THOC1: variants seen among roughly 807,000 people sequenced by gnomAD.
THOC1 encodes the protein THO complex 1.
Under a neutral mutation model 97.3 loss-of-function variants are expected in THOC1, and 29 were observed. The observed-to-expected ratio is 0.30, with a 90% CI of 0.22 to 0.41. THOC1 has a LOEUF of 0.41. THOC1 is among the 10% of genes least tolerant of loss of function. The pLI, the probability that THOC1 is intolerant of heterozygous loss-of-function variation, is 1.00. For missense variants in THOC1, 529 were observed against 761.9 expected (o/e 0.69, Z 3.60); for synonymous variants, 255 against 257.0 (o/e 0.99, Z 0.07).
chr18:236,350 C>CTT (rs71174215), intron 11 of THOC1, among the ~76,000 whole-genome samples: 118 of 88,284 alleles, frequency 1.3e-3, no homozygotes, highest in African/African-American at 2.8e-3. Flanking sequence ...GAATAAGATT[C>CTT]TTTTTTTTTT....
At chr18:253,542 A>G (rs919329097) in intron 8 of THOC1, among the ~76,000 whole-genome samples, 6 of 152,220 alleles carry the variant, frequency 3.9e-5, no homozygotes, top group Admixed American at 3.9e-4. Flanking sequence ...CATATACACA[A>G]AAAGTCCTGG....
chr18:216,324 G>T (rs1910888783), intron 19 of THOC1, 162 bp downstream of exon 19: 1 of 757,264 alleles, frequency 1.3e-6, no homozygotes. Context: ...TGTATTTCCT[G>T]TAAATGTATA....
chr18:254,621 C>G lies in THOC1; in HGVS notation c.521-266G>C, dbSNP rs1188699614. 6.6e-6 allele frequency among the ~76,000 whole-genome samples: 1 copy of G among 152,058 alleles called. No individual in the cohort carries two copies. The highest frequency in any genetic ancestry group is 1.5e-5 in the Non-Finnish European group (1 of 68,004). On this transcript the variant is annotated intron_variant, in intron 7 of 20. Coordinates refer to ENST00000261600, the MANE Select transcript of THOC1 (RefSeq NM_005131.3). The surrounding 1 kb of genome is among the most constrained non-coding windows in gnomAD (Gnocchi z 4.1). ...CTGCATCGTGCAAGTCTATCAGCAC[C>G]ATTTTTCCAACAGCATATGCTCACT...
intron 7 of THOC1, among the ~76,000 whole-genome samples, chr18:257,048 T>A (rs1441068531): frequency 3.9e-5 from 6 of 152,234 alleles, no homozygotes. Context: ...TACATTTTTT[T>A]AGATGCTATT....
chr18:260,353 A>T, intron 4 of THOC1, 49 bp from the exon 5 acceptor site: 1 of 1,145,384 alleles, frequency 8.7e-7, no homozygotes, highest in Non-Finnish European at 1.2e-6. Flanking sequence ...ACTGTAGAGT[A>T]GAATAGCCTA....
chr18:252,413 A>G, intron 9 of THOC1, 126 bp downstream of exon 9: 1 of 735,816 alleles, frequency 1.4e-6, no homozygotes, highest in East Asian at 2.7e-5. Context: ...ATACATGAAA[A>G]TTACAAATGA....
intron 3 of THOC1, 120 bp downstream of exon 3, chr18:265,183 G>T: frequency 1.3e-6 from 1 of 766,636 alleles, no homozygotes; most frequent in Non-Finnish European, 2.1e-6. Context: ...CTTTTACAAA[G>T]CAGAAAGGTT....
chr18:258,415 T>C (rs1912501503), intron 7 of THOC1, among the ~76,000 whole-genome samples: 1 of 152,048 alleles, frequency 6.6e-6, no homozygotes, highest in African/African-American at 2.4e-5. Flanking sequence ...ATACAAGAAG[T>C]GGTAAATCTA....
intron 12 of THOC1, 85 bp from the exon 13 acceptor site, chr18:225,488 A>G: frequency 9.4e-7 from 1 of 1,066,256 alleles, no homozygotes; most frequent in Non-Finnish European, 1.4e-6. Flanking sequence ...GGCATGTAAC[A>G]TGTAACTATA....
At chr18:250,709 T>C (rs1912250774) in intron 9 of THOC1, among the ~76,000 whole-genome samples, 1 of 152,236 alleles carries the variant, frequency 6.6e-6, no homozygotes, top group Admixed American at 6.5e-5. Flanking sequence ...CACAAAGTAA[T>C]TCCTCACGTA....
intron 11 of THOC1, among the ~76,000 whole-genome samples, chr18:239,938 A>G (rs1194368821): frequency 6.6e-6 from 1 of 152,016 alleles, no homozygotes; most frequent in Non-Finnish European, 1.5e-5. Flanking sequence ...AGGAGTCCAA[A>G]ATTATTGTCC....
intron 18 of THOC1, among the ~76,000 whole-genome samples, chr18:217,722 A>T (rs924698778): frequency 6.6e-6 from 1 of 152,174 alleles, no homozygotes; most frequent in Non-Finnish European, 1.5e-5. Context: ...AACCACGAGA[A>T]TGCAAAAGAG....
intron 17 of THOC1, among the ~76,000 whole-genome samples, chr18:220,679 G>C (rs1050276116): frequency 2.0e-5 from 3 of 152,238 alleles, no homozygotes; most frequent in Middle Eastern, 3.4e-3. Context: ...GGTTTATTAA[G>C]GTTTCTACTT....
At position 246,340 on chromosome 18, in the gene THOC1, A is replaced by C; in HGVS notation, c.902T>G (p.Phe301Cys). 6.3e-7 allele frequency: 1 copy of C among 1,577,720 alleles called. No homozygotes were observed. The highest frequency in any genetic ancestry group is 8.7e-7 in the Non-Finnish European group (1 of 1,154,666). Residue 301 changes from phenylalanine (F) to cysteine (C), a missense_variant, in exon 11 of 21, where the codon TTT (phenylalanine) becomes TGT (cysteine). Phe to Cys is a radical substitution (Grantham distance 205, BLOSUM62 -2). Coordinates refer to ENST00000261600, the MANE Select transcript of THOC1 (RefSeq NM_005131.3). Reference sequence around the variant, plus strand: ...AACTTATACCTTTTCACTTGTTAAAAATTTTGCAAAATATACATGTTCTCC... The same window carrying C: ...AACTTATACCTTTTCACTTGTTAAACATTTTGCAAAATATACATGTTCTCC... ...TGGEHVYFAK[F>C]LTSEKLMDLQ... is the part of the protein sequence containing the mutation.
At chr18:259,944 A>G (rs147050390) in intron 5 of THOC1, 3 of 524,728 alleles carry the variant, frequency 5.7e-6, no homozygotes, top group Non-Finnish European at 1.0e-5. Context: ...TAAACATGTG[A>G]AAGTGTGAAT....
chr18:266,842 T>C (rs746127435), intron 1 of THOC1, among the ~76,000 whole-genome samples: 34 of 152,124 alleles, frequency 2.2e-4, no homozygotes, highest in Non-Finnish European at 4.3e-4. Flanking sequence ...CGGCCGCCAA[T>C]ATGATCTTGG....
intron 11 of THOC1, among the ~76,000 whole-genome samples, chr18:241,307 C>T (rs1911891716): frequency 6.6e-6 from 1 of 152,166 alleles, no homozygotes; most frequent in Non-Finnish European, 1.5e-5. Flanking sequence ...AAAGATTCAA[C>T]CTCTCAAATG....
intron 17 of THOC1, among the ~76,000 whole-genome samples, chr18:219,455 T>C (rs1911001812): frequency 1.5e-5 from 2 of 135,098 alleles, no homozygotes; most frequent in South Asian, 5.0e-4. Flanking sequence ...CCCTGAGCGG[T>C]ACAAAATAAC....
Position 251,017 on chromosome 18 carries a change from T to C in THOC1, c.677+1522A>G, listed in dbSNP as rs531214052. Among the ~76,000 whole-genome samples, 29 of 152,192 alleles carry C rather than the reference T, an allele frequency of 1.9e-4. No homozygotes were observed. In the South Asian group the frequency reaches 6.0e-3, roughly 32 times the overall value. On this transcript the variant is annotated intron_variant, in intron 9 of 20. Coordinates refer to ENST00000261600, the MANE Select transcript of THOC1 (RefSeq NM_005131.3). The stretch of plus-strand genomic sequence containing the variant: ...GGTCTCTAAAAAAAAATAATAACGA[T>C]AACAAATAATAGCTACTAGACACTG...
Sources: allele counts gnomAD v4.1 joint callset (sites outside exome capture counted in the v4.1 genomes callset), GRCh38; gene constraint gnomAD v4.1.1; non-coding constraint Gnocchi (gnomAD v3.1); transcripts MANE v1.5; gene names NCBI Gene and HGNC (gene_info 2026-07-23, HGNC 2026-07-21).